EXOC2: variants seen among roughly 807,000 people sequenced by gnomAD.
EXOC2 encodes the protein SEC5-like 1.
In EXOC2, 70 loss-of-function variants were observed where a neutral mutation model predicts 131.8. The ratio of observed to expected loss-of-function variants is 0.53; its 90% CI spans 0.44 to 0.65. The LOEUF (loss-of-function observed/expected upper bound fraction) is 0.65. Among genes scored for constraint, EXOC2 ranks in the 30% least tolerant of loss-of-function variants. The probability of loss-of-function intolerance (pLI) is 0.00; values close to 1 mark genes in which losing one functional copy is unlikely to be tolerated. For missense variants in EXOC2, 923 were observed against 1,108.6 expected (o/e 0.83, Z 2.38); for synonymous variants, 411 against 398.4 (o/e 1.03, Z -0.38).
intron 23 of EXOC2, among the ~76,000 whole-genome samples, chr6:521,748 T>C (rs1240833665): frequency 6.6e-6 from 1 of 151,804 alleles, no homozygotes; most frequent in African/African-American, 2.4e-5. Context: ...GGTTGGTCTC[T>C]AACTCCTGGG....
At chr6:508,081 C>G (rs1393561686) in intron 23 of EXOC2, among the ~76,000 whole-genome samples, 2 of 152,170 alleles carry the variant, frequency 1.3e-5, no homozygotes, top group Non-Finnish European at 2.9e-5. Context: ...TACACATTCT[C>G]TTCTTGAAAC....
At chr6:544,944 G>C (rs972816237) in intron 22 of EXOC2, among the ~76,000 whole-genome samples, 1 of 151,654 alleles carries the variant, frequency 6.6e-6, no homozygotes, top group African/African-American at 2.4e-5. Context: ...TCAGGAGATC[G>C]AGACCATCCT....
At chr6:490,413 G>C (rs1462081595) in intron 26 of EXOC2, among the ~76,000 whole-genome samples, 1 of 152,198 alleles carries the variant, frequency 6.6e-6, no homozygotes, top group African/African-American at 2.4e-5. Context: ...CACTAAAAAT[G>C]GCTGCTGGTG....
chr6:565,344 TA>T (rs1757917309), intron 13 of EXOC2, among the ~76,000 whole-genome samples: 1 of 152,228 alleles, frequency 6.6e-6, no homozygotes, highest in African/African-American at 2.4e-5. Flanking sequence ...ATTTTAGTTT[TA>T]AATACTATAA....
chr6:600,575 A>AT (rs1426462708), intron 7 of EXOC2, among the ~76,000 whole-genome samples: 1 of 152,120 alleles, frequency 6.6e-6, no homozygotes, highest in East Asian at 1.9e-4. Context: ...GTTGTTTTAC[A>AT]TTTTTTATTA....
intron 1 of EXOC2, among the ~76,000 whole-genome samples, chr6:673,312 A>G (rs1486692438): frequency 6.7e-6 from 1 of 150,172 alleles, no homozygotes; most frequent in Non-Finnish European, 1.5e-5. Flanking sequence ...TCTAAGAAAA[A>G]AGATAACAAT....
At chr6:558,745 A>G (rs1177497765) in intron 17 of EXOC2, among the ~76,000 whole-genome samples, 1 of 152,082 alleles carries the variant, frequency 6.6e-6, no homozygotes, top group East Asian at 1.9e-4. Flanking sequence ...CCAGGGAGGC[A>G]GATGTTGCAG....
chr6:685,355 T>C (rs1764597188), intron 1 of EXOC2, among the ~76,000 whole-genome samples: 1 of 152,134 alleles, frequency 6.6e-6, no homozygotes, highest in Non-Finnish European at 1.5e-5. Context: ...CAGGGCACCA[T>C]AAAATATAAT....
chr6:526,895 C>T (rs1254614022), intron 23 of EXOC2, among the ~76,000 whole-genome samples: 1 of 152,152 alleles, frequency 6.6e-6, no homozygotes, highest in African/African-American at 2.4e-5. Context: ...TGCTCAGTGG[C>T]TTCATCTATA....
chr6:486,808 G>T (rs368337166), intron 27 of EXOC2, 44 bp from the exon 28 acceptor site: 2 of 1,530,822 alleles, frequency 1.3e-6, no homozygotes, highest in South Asian at 2.3e-5. Flanking sequence ...CAGATGGGGC[G>T]GCCTAGCAAC....
At chr6:514,371 T>C (rs1429753829) in intron 23 of EXOC2, among the ~76,000 whole-genome samples, 1 of 152,240 alleles carries the variant, frequency 6.6e-6, no homozygotes, top group African/African-American at 2.4e-5. Flanking sequence ...ACCCAATATT[T>C]ACCAAGTACC....
At chr6:537,699 G>T (rs1432865040) in intron 22 of EXOC2, among the ~76,000 whole-genome samples, 1 of 152,196 alleles carries the variant, frequency 6.6e-6, no homozygotes, top group East Asian at 1.9e-4. Context: ...ACAACCCCAT[G>T]TCCATCACCA....
At chr6:502,273 GCAAGA>G (rs1764260420) in intron 23 of EXOC2, among the ~76,000 whole-genome samples, 1 of 152,190 alleles carries the variant, frequency 6.6e-6, no homozygotes, top group African/African-American at 2.4e-5. Flanking sequence ...CAACACTCCT[GCAAGA>G]ACAAGTGTCA....
chr6:572,759 A>AAAATACTAT, intron 12 of EXOC2, 115 bp from the exon 13 acceptor site: 1 of 1,325,204 alleles, frequency 7.5e-7, no homozygotes. Context: ...CACTAGGAAT[A>AAAATACTAT]GCCTGAGTCT....
chr6:663,787 T>G (rs1763518451), intron 1 of EXOC2, among the ~76,000 whole-genome samples: 1 of 152,188 alleles, frequency 6.6e-6, no homozygotes, highest in African/African-American at 2.4e-5. Flanking sequence ...GAGACATACC[T>G]TAATGTAATA....
intron 11 of EXOC2, among the ~76,000 whole-genome samples, chr6:581,242 G>A (rs1581485554): frequency 1.3e-5 from 2 of 150,540 alleles, no homozygotes; most frequent in East Asian, 3.9e-4. Flanking sequence ...ATTGCAGAAT[G>A]CCAAGATCAC....
chr6:606,699 A>G (rs1281913213), intron 7 of EXOC2, among the ~76,000 whole-genome samples: 1 of 152,166 alleles, frequency 6.6e-6, no homozygotes, highest in Non-Finnish European at 1.5e-5. Context: ...CCTTTGGGAC[A>G]TCTCATGCTT....
rs1488959074 is a variant in EXOC2 at position 653,776 on chromosome 6, A to G, written c.-43-15915T>C. On this transcript the variant is annotated intron_variant, in intron 1 of 27. Transcript: ENST00000230449. ...TTTCATTGAAGACAAATAGCCTTCA[A>G]TTGGAAGAAGATGCCATCTAGGACT... 2.6e-5 allele frequency among the ~76,000 whole-genome samples: 4 copies of G among 152,236 alleles called. No individual in the cohort carries two copies. In the East Asian group the frequency reaches 5.8e-4, roughly 22 times the overall value.
chr6:656,405 C>A (rs1378384562), intron 1 of EXOC2: 1 of 1,614,038 alleles, frequency 6.2e-7, no homozygotes. Flanking sequence ...TTGCTTCCAC[C>A]AGCACGTGAC....
Sources: allele counts gnomAD v4.1 joint callset (sites outside exome capture counted in the v4.1 genomes callset), GRCh38; gene constraint gnomAD v4.1.1; transcripts MANE v1.5; gene names NCBI Gene and HGNC (gene_info 2026-07-23, HGNC 2026-07-21).